IMMP2L: variants seen among roughly 807,000 people sequenced by gnomAD.
The protein encoded by IMMP2L is inner mitochondrial membrane peptidase subunit 2.
IMMP2L carries 18 observed loss-of-function variants against 19.3 expected under a neutral mutation model. The ratio of observed to expected loss-of-function variants is 0.93; its 90% CI spans 0.64 to 1.38. The LOEUF is 1.38. Among genes scored for constraint, IMMP2L ranks in the 40% most tolerant of loss-of-function variants. The pLI, the probability that IMMP2L is intolerant of heterozygous loss-of-function variation, is 0.00. For missense variants in IMMP2L, 233 were observed against 218.2 expected (o/e 1.07, Z -0.43); for synonymous variants, 76 against 73.0 (o/e 1.04, Z -0.21).
At chr7:110,781,749 G>C (rs180708434) in intron 5 of IMMP2L, among the ~76,000 whole-genome samples, 1 of 151,846 alleles carries the variant, frequency 6.6e-6, no homozygotes, top group Admixed American at 6.6e-5. Context: ...ACAACAGACT[G>C]TGCCTAAAAT....
intron 1 of IMMP2L, among the ~76,000 whole-genome samples, chr7:111,538,447 T>C (rs1267796598): frequency 6.6e-6 from 1 of 151,842 alleles, no homozygotes; most frequent in Non-Finnish European, 1.5e-5. Context: ...AAGATATTTA[T>C]GAAGAAAGTG....
chr7:111,102,765 T>C (rs1200288027), intron 3 of IMMP2L, among the ~76,000 whole-genome samples: 1 of 151,532 alleles, frequency 6.6e-6, no homozygotes, highest in East Asian at 1.9e-4. Context: ...GGACATTCCA[T>C]CTCAAATTTA....
chr7:111,217,126 T>TCTCACACACACA (rs1472700586), intron 3 of IMMP2L, among the ~76,000 whole-genome samples: 11 of 123,998 alleles, frequency 8.9e-5, no homozygotes, highest in African/African-American at 2.8e-4. Context: ...TCTCTCTCTC[T>TCTCACACACACA]CACACACACA....
intron 3 of IMMP2L, among the ~76,000 whole-genome samples, chr7:111,208,531 T>G (rs1396996772): frequency 6.6e-6 from 1 of 152,226 alleles, no homozygotes; most frequent in Non-Finnish European, 1.5e-5. Context: ...GTTAAAGCTA[T>G]GAAGTCTAAT....
chr7:111,356,361 C>G (rs1828699852), intron 3 of IMMP2L, among the ~76,000 whole-genome samples: 1 of 151,942 alleles, frequency 6.6e-6, no homozygotes, highest in Non-Finnish European at 1.5e-5. Context: ...AGTATAATAA[C>G]TATTTATATA....
intron 3 of IMMP2L, among the ~76,000 whole-genome samples, chr7:111,402,047 C>G (rs866315750): frequency 6.6e-6 from 1 of 151,196 alleles, no homozygotes; most frequent in African/African-American, 2.4e-5. Flanking sequence ...GAGTTCAAGG[C>G]TGTAGTGAGC....
At chr7:111,424,536 T>C (rs1407080650) in intron 3 of IMMP2L, among the ~76,000 whole-genome samples, 1 of 151,738 alleles carries the variant, frequency 6.6e-6, no homozygotes, top group Non-Finnish European at 1.5e-5. Context: ...TTAAATATAT[T>C]AGGTGACACA....
intron 5 of IMMP2L, among the ~76,000 whole-genome samples, chr7:110,835,761 A>G (rs1804393574): frequency 6.7e-6 from 1 of 150,370 alleles, no homozygotes; most frequent in African/African-American, 2.5e-5. Context: ...GTTAAATAAC[A>G]GAAGATTAGA....
intron 2 of IMMP2L, among the ~76,000 whole-genome samples, chr7:111,506,115 A>T (rs1295093410): frequency 6.6e-6 from 1 of 151,788 alleles, no homozygotes; most frequent in African/African-American, 2.4e-5. Context: ...CAAAAATTTT[A>T]AAAATTAGCT....
chr7:111,014,333 C>T (rs1172955502), intron 3 of IMMP2L, among the ~76,000 whole-genome samples: 1 of 151,622 alleles, frequency 6.6e-6, no homozygotes, highest in Non-Finnish European at 1.5e-5. Flanking sequence ...CCAGCTTTGG[C>T]AGGAGAGTGA....
intron 1 of IMMP2L, chr7:111,532,730 G>A (rs1014656223): frequency 4.6e-5 from 7 of 152,116 alleles, no homozygotes; most frequent in Admixed American, 2.6e-4. Flanking sequence ...TAGAAACACA[G>A]GCTCCCCCAT....
intron 3 of IMMP2L, chr7:111,391,967 G>C: frequency 4.3e-6 from 3 of 702,956 alleles, no homozygotes; most frequent in Non-Finnish European, 7.8e-6. Flanking sequence ...AACTCTTCTC[G>C]GTTGGCAACA....
intron 4 of IMMP2L, among the ~76,000 whole-genome samples, chr7:110,930,077 T>C (rs1047900663): frequency 1.3e-5 from 2 of 152,200 alleles, no homozygotes; most frequent in Non-Finnish European, 2.9e-5. Context: ...TTTCATCATA[T>C]ATAAGACTGA....
chr7:111,128,252 TCTAAAA>T (rs1374152827), intron 3 of IMMP2L, among the ~76,000 whole-genome samples: 3 of 152,184 alleles, frequency 2.0e-5, no homozygotes, highest in Non-Finnish European at 4.4e-5. Flanking sequence ...TTTTCGACCA[TCTAAAA>T]CTTATATTCT....
intron 3 of IMMP2L, among the ~76,000 whole-genome samples, chr7:111,237,488 A>G (rs1472339840): frequency 6.6e-6 from 1 of 152,038 alleles, no homozygotes. Flanking sequence ...TTAACATAGT[A>G]TAACTAAGAT....
At chr7:111,532,380 T>C (rs1324042820) in intron 1 of IMMP2L, 2 of 152,178 alleles carry the variant, frequency 1.3e-5, no homozygotes, top group African/African-American at 2.4e-5. Flanking sequence ...ATTGAAAAAC[T>C]TTTTTAAAGA....
chr7:110,971,087 A>G (rs968631832), intron 3 of IMMP2L, among the ~76,000 whole-genome samples: 2 of 152,142 alleles, frequency 1.3e-5, no homozygotes, highest in Admixed American at 6.6e-5. Flanking sequence ...GAATACTAGT[A>G]TACAAGAACT....
Position 111,281,239 on chromosome 7 carries a change from A to G in IMMP2L, c.239+205999T>C, listed in dbSNP as rs569787693. Among the ~76,000 whole-genome samples, 30 of 136,332 alleles carry G rather than the reference A, an allele frequency of 2.2e-4. 1 individual carries two copies. Among genetic ancestry groups the G allele is most frequent in the African/African-American group, 8.6e-4 (29 of 33,860 alleles). 89.4% of individuals were successfully genotyped at this position (136,332 alleles called of 152,430 possible). ...GAAAAAGAAAGAAAGAAAGAAAGAA[A>G]GAAAGAAGAGAGAGAGAGAAAGAGA... is the stretch of plus-strand genomic sequence containing the variant. On this transcript the variant is annotated intron_variant, in intron 3 of 5. Coordinates refer to ENST00000405709, the MANE Select transcript of IMMP2L (RefSeq NM_032549.4).
intron 3 of IMMP2L, among the ~76,000 whole-genome samples, chr7:111,358,044 G>GT (rs538332664): frequency 1.8e-3 from 268 of 151,708 alleles, no homozygotes; most frequent in African/African-American, 5.4e-3. Context: ...CCCAATCTTT[G>GT]TACTGGGCTG....
Sources: gnomAD v4.1 joint callset for allele counts (sites outside exome capture counted in the v4.1 genomes callset) on GRCh38, gnomAD v4.1.1 for gene constraint, MANE v1.5 for transcripts, NCBI Gene and HGNC (gene_info 2026-07-23, HGNC 2026-07-21) for gene names.